The following CLCN1 variants were observed in gnomAD, a reference collection of about 807,000 sequenced individuals.
The protein encoded by CLCN1 is chloride voltage-gated channel 1.
A neutral mutation model predicts 114.5 loss-of-function variants in CLCN1; 100 were observed. The observed-to-expected ratio is 0.87, with a 90% CI of 0.74 to 1.03. CLCN1 has a LOEUF of 1.03. CLCN1 is among the 50% of genes least tolerant of loss of function. CLCN1 has a pLI of 0.00. For missense variants in CLCN1, 1,188 were observed against 1,250.0 expected (o/e 0.95, Z 0.75); for synonymous variants, 485 against 487.1 (o/e 1.00, Z 0.06).
Position 143,350,252 on chromosome 7 carries a change from A to G in CLCN1, c.2404-120A>G, listed in dbSNP as rs576428900. 8.0e-6 allele frequency: 6 copies of G among 750,980 alleles called. No homozygotes were observed. In the South Asian group the frequency reaches 8.9e-5, roughly 11 times the overall value. The allele number at this position is 750,980 out of a possible 1,614,324, so 46.5% of individuals were successfully genotyped here. On this transcript the variant is annotated intron_variant, in intron 20 of 22. Coordinates refer to ENST00000343257, the MANE Select transcript of CLCN1 (RefSeq NM_000083.3). The surrounding 1 kb of genome is among the most constrained non-coding windows in gnomAD (Gnocchi z 5.1). ...CCTCTGATCTGGGGGATCTATGATC[A>G]GTTCTTGCATGTTCCCAGATTCTGG...
chr7:143,331,995 A>T (rs1425715261), intron 10 of CLCN1, among the ~76,000 whole-genome samples: 1 of 152,020 alleles, frequency 6.6e-6, no homozygotes, highest in Non-Finnish European at 1.5e-5. Flanking sequence ...CGACCAGCTA[A>T]TTTTTGTATT....
At chr7:143,328,624 GGC>G in intron 7 of CLCN1, among the ~76,000 whole-genome samples, 1 of 152,164 alleles carries the variant, frequency 6.6e-6, no homozygotes, top group Non-Finnish European at 1.5e-5. Context: ...TTTACACCCA[GGC>G]AAATCAAAGC....
intron 20 of CLCN1, among the ~76,000 whole-genome samples, chr7:143,348,147 G>A (rs1233302923): frequency 2.0e-5 from 3 of 152,144 alleles, no homozygotes; most frequent in Admixed American, 6.5e-5. Flanking sequence ...ATTGGAGGAG[G>A]ATGTTGTGAG....
rs2242490 is a variant in CLCN1, at chr7:143,346,809, C to T, written c.2365-102C>T. The T allele has an allele frequency of 0.17, 206,364 of 1,246,372 alleles. 18,900 individuals are homozygous for T. Among genetic ancestry groups the T allele is most frequent in the South Asian group, 0.27 (22,169 of 83,450 alleles). The allele number at this position is 1,246,372 out of a possible 1,614,324, so 77.2% of individuals were successfully genotyped here. ...GGGATGATGAATGAAAAGGAGGCAT[C>T]GGTGGTCCTGGCCAGGGAGGGATGG... is the stretch of plus-strand genomic sequence containing the variant. On this transcript the variant is annotated intron_variant, in intron 19 of 22. Transcript: ENST00000343257.
chr7:143,345,225 C>T (rs1233884929), intron 16 of CLCN1, among the ~76,000 whole-genome samples: 1 of 152,172 alleles, frequency 6.6e-6, no homozygotes, highest in Non-Finnish European at 1.5e-5. Context: ...CATTGATTAG[C>T]CTCCTTAATT....
In CLCN1 at chr7:143,321,638, C is replaced by T. The variant is rs1166765941; in HGVS notation, c.563-77C>T. 6.2e-7 allele frequency: 1 copy of T among 1,608,896 alleles called. No individual in the cohort carries two copies. Among genetic ancestry groups the T allele is most frequent in the African/African-American group, 1.3e-5 (1 of 74,960 alleles). On this transcript the variant is annotated intron_variant, in intron 4 of 22. Coordinates refer to ENST00000343257, the MANE Select transcript of CLCN1 (RefSeq NM_000083.3). The surrounding 1 kb of genome is among the most constrained non-coding windows in gnomAD (Gnocchi z 4.2). ...CTGCCTCTTCAGCCCTCTCCAATTCCCATTCCCATATTCTGGACATTCATC... is the reference window on the plus strand; with the variant it reads ...CTGCCTCTTCAGCCCTCTCCAATTCTCATTCCCATATTCTGGACATTCATC...
At position 143,339,341 on chromosome 7, in the gene CLCN1, C is replaced by T; in HGVS notation, c.1471+19C>T. On this transcript the variant is annotated intron_variant, in intron 13 of 22. Coordinates refer to ENST00000343257, the MANE Select transcript of CLCN1 (RefSeq NM_000083.3). The surrounding 1 kb of genome is among the most constrained non-coding windows in gnomAD (Gnocchi z 4.1). ...GTGCTAGGTAAGTTCTGATGGGAAG[C>T]CTGGGGTCTGACTGAGAGTTGCAAT... is the stretch of plus-strand genomic sequence containing the variant. 1 of 1,592,014 alleles carries T rather than the reference C, an allele frequency of 6.3e-7. No individual in the cohort carries two copies. The highest frequency in any genetic ancestry group is 1.3e-5 in the African/African-American group (1 of 74,544).
At chr7:143,340,897 C>A (rs1301356384) in intron 14 of CLCN1, among the ~76,000 whole-genome samples, 1 of 152,088 alleles carries the variant, frequency 6.6e-6, no homozygotes, top group Non-Finnish European at 1.5e-5. Context: ...ATACCTCTTC[C>A]ATATTTAAAT....
chr7:143,316,702 A>G (rs557335692), intron 1 of CLCN1, among the ~76,000 whole-genome samples: 1 of 152,250 alleles, frequency 6.6e-6, no homozygotes, highest in Non-Finnish European at 1.5e-5. Context: ...CGTGGAGTGG[A>G]TTGCGTAGGA....
chr7:143,346,748 G>A (rs1187770579), intron 19 of CLCN1, 90 bp downstream of exon 19: 16 of 1,270,950 alleles, frequency 1.3e-5, no homozygotes, highest in African/African-American at 2.9e-5. Flanking sequence ...GGAAGGCAGA[G>A]ACCCCACCAA....
At chr7:143,320,587 G>C (rs78757074) in intron 2 of CLCN1, 77 bp from the exon 3 acceptor site, 3,040 of 883,730 alleles carry the variant, frequency 3.4e-3, no homozygotes, top group Non-Finnish European at 4.6e-3. Context: ...CTCTCTCTCT[G>C]TCTCTACATA....
In CLCN1 at chr7:143,342,258, T is replaced by G. The variant is rs1039308624; in HGVS notation, c.1797-114T>G. On this transcript the variant is annotated intron_variant, in intron 15 of 22. Coordinates refer to ENST00000343257, the MANE Select transcript of CLCN1 (RefSeq NM_000083.3). Reference sequence around the variant, plus strand: ...ACACTGTTTTAAATTATTATTATATTCTCATGCACCTAGTAGATATTGTGA... The same window carrying G: ...ACACTGTTTTAAATTATTATTATATGCTCATGCACCTAGTAGATATTGTGA... The G allele has an allele frequency of 4.7e-6, 7 of 1,477,474 alleles. No individual in the cohort carries two copies. The African/African-American group carries it at 9.8e-5, about 21-fold the overall frequency. The allele number at this position is 1,477,474 out of a possible 1,614,324, so 91.5% of individuals were successfully genotyped here.
chr7:143,350,500 G>A lies in CLCN1; in HGVS notation c.2508+24G>A, dbSNP rs373342710. ...AGGTGAGTCTTTTGCTGACTGCTCA[G>A]GGCTGTGGGGAAGGCAGGAGAGCTG... On this transcript the variant is annotated intron_variant, in intron 21 of 22. Transcript: ENST00000343257. The surrounding 1 kb of genome is among the most constrained non-coding windows in gnomAD (Gnocchi z 5.1). 20 of 1,611,072 alleles carry A rather than the reference G, an allele frequency of 1.2e-5. No individual in the cohort carries two copies. Among genetic ancestry groups the A allele is most frequent in the Middle Eastern group, 3.3e-4 (2 of 6,080 alleles).
Position 143,320,734 on chromosome 7 carries a change from G to A in CLCN1, c.372G>A (p.Leu124=). 1.2e-6 allele frequency: 2 copies of A among 1,613,672 alleles called. No homozygotes were observed. Among genetic ancestry groups the A allele is most frequent in the Non-Finnish European group, 1.7e-6 (2 of 1,179,658 alleles). The part of the protein sequence containing the change: ...LGEDGIFLVL[L]GLLMALVSWS... The stretch of plus-strand genomic sequence containing the variant: ...AAGACGGGATCTTTCTGGTGCTTCT[G>A]GGACTGCTGATGGCTCTGGTCAGCT... Residue 124 remains leucine, a synonymous_variant, in exon 3 of 23, where the codon CTG becomes CTA. Coordinates refer to ENST00000343257, the MANE Select transcript of CLCN1 (RefSeq NM_000083.3).
rs1324644900 is a variant in CLCN1, at chr7:143,342,092, C to A, written c.1746C>A (p.Ile582=). Residue 582 remains isoleucine, a synonymous_variant, in exon 15 of 23, where the codon ATC becomes ATA. Coordinates refer to ENST00000343257, the MANE Select transcript of CLCN1 (RefSeq NM_000083.3). ...AGCCCTCTCTCTATGACAGCATCATCCAGGTCAAGAAGCTACCCTACTTGC... is the reference window on the plus strand; with the variant it reads ...AGCCCTCTCTCTATGACAGCATCATACAGGTCAAGAAGCTACCCTACTTGC... ...SLQPSLYDSI[I]QVKKLPYLPD... The A allele has an allele frequency of 1.9e-6, 3 of 1,614,180 alleles. No individual in the cohort carries two copies. The highest frequency in any genetic ancestry group is 1.7e-6 in the Non-Finnish European group (2 of 1,180,036).
At chr7:143,317,543 C>T (rs1345730036) in intron 1 of CLCN1, among the ~76,000 whole-genome samples, 1 of 151,966 alleles carries the variant, frequency 6.6e-6, no homozygotes, top group African/African-American at 2.4e-5. Flanking sequence ...CCACTGTGCC[C>T]AGTCTGGTCA....
Position 143,316,368 on chromosome 7 carries a change from C to T in CLCN1, c.156C>T (p.Pro52=), listed in dbSNP as rs886062032. 1 of 1,613,192 alleles carries T rather than the reference C, an allele frequency of 6.2e-7. No individual in the cohort carries two copies. Among genetic ancestry groups the T allele is most frequent in the East Asian group, 2.2e-5 (1 of 44,872 alleles). ...ACAGGCTCCGGAAGGATGCAGGCCC[C>T]CGCCACAACGTCCACCCCACACAGG... ...LQHRLRKDAG[P]RHNVHPTQIY... Residue 52 remains proline (P), a synonymous_variant, in exon 1 of 23, where the codon CCC becomes CCT. Coordinates refer to ENST00000343257, the MANE Select transcript of CLCN1 (RefSeq NM_000083.3).
At chr7:143,320,017 C>G in intron 2 of CLCN1, 142 bp downstream of exon 2, 1 of 859,508 alleles carries the variant, frequency 1.2e-6, no homozygotes, top group South Asian at 1.5e-5. Context: ...GAGACAGGGT[C>G]TCACTCTGTC....
intron 9 of CLCN1, 22 bp downstream of exon 9, chr7:143,331,338 G>A (rs766715980): frequency 3.9e-5 from 59 of 1,528,306 alleles, no homozygotes; most frequent in Non-Finnish European, 5.3e-5. Flanking sequence ...TACCTGCTCT[G>A]TGTGTGGTGA....
Sources: gnomAD v4.1 joint callset for allele counts (sites outside exome capture counted in the v4.1 genomes callset) on GRCh38, gnomAD v4.1.1 for gene constraint, Gnocchi (gnomAD v3.1) non-coding constraint, MANE v1.5 for transcripts, NCBI Gene and HGNC (gene_info 2026-07-23, HGNC 2026-07-21) for gene names.